NCOR1: variants seen among roughly 807,000 people sequenced by gnomAD.
NCOR1 encodes the protein nuclear receptor corepressor 1.
NCOR1 carries 63 observed loss-of-function variants against 288.1 expected under a neutral mutation model. The observed-to-expected ratio is 0.22, with a 90% CI of 0.18 to 0.27. NCOR1 has a LOEUF of 0.27. Among genes scored for constraint, NCOR1 ranks in the 10% least tolerant of loss-of-function variants. The probability of loss-of-function intolerance (pLI) is 1.00; values close to 1 mark genes in which losing one functional copy is unlikely to be tolerated. For missense variants in NCOR1, 2,397 were observed against 3,019.2 expected, an observed-to-expected ratio of 0.79 and a Z score of 4.83; for synonymous variants, 1,007 against 1,065.9, an observed-to-expected ratio of 0.94 and a Z score of 1.08.
chr17:16,183,087 G>C (rs994538493), intron 3 of NCOR1, among the ~76,000 whole-genome samples: 1 of 151,366 alleles, frequency 6.6e-6, no homozygotes. Context: ...ATAATCAATA[G>C]GGAAATACTG....
chr17:16,083,423 T>A (rs939098624), intron 23 of NCOR1, among the ~76,000 whole-genome samples: 1 of 151,350 alleles, frequency 6.6e-6, no homozygotes, highest in Non-Finnish European at 1.5e-5. Context: ...ACAAAACACA[T>A]ACAAATCTCT....
At chr17:16,180,940 C>G (rs569909750) in intron 3 of NCOR1, among the ~76,000 whole-genome samples, 1 of 152,150 alleles carries the variant, frequency 6.6e-6, no homozygotes, top group Admixed American at 6.5e-5. Context: ...GGGCGGATTA[C>G]TTGAGGTCTG....
intron 5 of NCOR1, among the ~76,000 whole-genome samples, chr17:16,163,563 G>C (rs2081334939): frequency 6.6e-6 from 1 of 152,118 alleles, no homozygotes; most frequent in Admixed American, 6.5e-5. Context: ...TATACTGCTG[G>C]TAAGAATATA....
At position 16,120,824 on chromosome 17, in the gene NCOR1, T is replaced by C. The variant is rs2072850971; in HGVS notation, c.1852+228A>G. Among the ~76,000 whole-genome samples, 12 of 152,278 alleles carry C rather than the reference T, an allele frequency of 7.9e-5. 1 individual carries two copies. In the South Asian group the frequency reaches 2.3e-3, roughly 29 times the overall value. On this transcript the variant is annotated intron_variant, in intron 16 of 45. Transcript: ENST00000268712. ...ATTATTAGAAATTAGAAAATATTTATGGCACACTAGCATAACAACTAAATA... is the reference window on the plus strand; with the variant it reads ...ATTATTAGAAATTAGAAAATATTTACGGCACACTAGCATAACAACTAAATA...
intron 1 of NCOR1, among the ~76,000 whole-genome samples, chr17:16,201,325 A>AC (rs1412976698): frequency 2.0e-5 from 3 of 152,306 alleles, no homozygotes; most frequent in African/African-American, 7.2e-5. Flanking sequence ...CTGGCCAGGC[A>AC]CAGTGGCTCA....
intron 2 of NCOR1, among the ~76,000 whole-genome samples, chr17:16,188,586 A>G (rs1333688817): frequency 6.6e-6 from 1 of 152,024 alleles, no homozygotes; most frequent in Non-Finnish European, 1.5e-5. Context: ...ACTCTAGTCC[A>G]AGCAAAAGTG....
chr17:16,209,689 C>T (rs1437310155), intron 1 of NCOR1, among the ~76,000 whole-genome samples: 11 of 149,790 alleles, frequency 7.3e-5, no homozygotes, highest in Admixed American at 4.0e-4. Flanking sequence ...CGATGGCTCA[C>T]GCCTGTAATC....
chr17:16,208,035 C>CTTTTTTTTTTTT lies in NCOR1; in HGVS notation c.-71+7315_-71+7326dup, dbSNP rs71150278. ...TCAACCAACCGTTCCATATTTCTTT[C>CTTTTTTTTTTTT]TTTTTTTTTTTTTTTTTTTTTTTTG... On this transcript the variant is annotated intron_variant, in intron 1 of 45. Transcript: ENST00000268712. Among the ~76,000 whole-genome samples, 124 of 72,554 alleles carry CTTTTTTTTTTTT rather than the reference C, an allele frequency of 1.7e-3. 4 individuals are homozygous for CTTTTTTTTTTTT. The highest frequency in any genetic ancestry group is 2.1e-3 in the Non-Finnish European group (85 of 40,688). 47.6% of individuals were successfully genotyped at this position (72,554 alleles called of 152,430 possible).
intron 14 of NCOR1, among the ~76,000 whole-genome samples, chr17:16,131,892 T>C (rs1192600748): frequency 6.6e-6 from 1 of 152,206 alleles, no homozygotes; most frequent in African/African-American, 2.4e-5. Context: ...TTATTAACCA[T>C]GCAACCTAAG....
intron 1 of NCOR1, among the ~76,000 whole-genome samples, chr17:16,212,980 G>A (rs1427947826): frequency 6.7e-6 from 1 of 148,654 alleles, no homozygotes; most frequent in Admixed American, 6.8e-5. Flanking sequence ...GGCTGAGGTG[G>A]AAGGATCACC....
chr17:16,058,778 G>A (rs2060217186), intron 37 of NCOR1, among the ~76,000 whole-genome samples, 179 bp from the exon 38 acceptor site: 1 of 151,974 alleles, frequency 6.6e-6, no homozygotes, highest in African/African-American at 2.4e-5. Flanking sequence ...TGGGTGCAGT[G>A]GCTCATGGCT....
intron 3 of NCOR1, among the ~76,000 whole-genome samples, chr17:16,183,262 A>G (rs2085914461): frequency 6.7e-6 from 1 of 149,986 alleles, no homozygotes; most frequent in African/African-American, 2.5e-5. Flanking sequence ...AAAAAAAAGA[A>G]AAGAAATAAA....
intron 18 of NCOR1, among the ~76,000 whole-genome samples, chr17:16,117,290 T>C (rs1303206647): frequency 6.6e-6 from 1 of 152,114 alleles, no homozygotes; most frequent in Non-Finnish European, 1.5e-5. Context: ...TTAATTCCCT[T>C]TACTACAAAT....
chr17:16,086,001 T>C (rs1384159599), intron 23 of NCOR1, among the ~76,000 whole-genome samples: 1 of 152,240 alleles, frequency 6.6e-6, no homozygotes, highest in African/African-American at 2.4e-5. Context: ...TTGGTAAGTT[T>C]AGAGTGATGT....
intron 44 of NCOR1, among the ~76,000 whole-genome samples, chr17:16,035,945 G>T (rs2056266019): frequency 6.6e-6 from 1 of 152,138 alleles, no homozygotes; most frequent in Non-Finnish European, 1.5e-5. Context: ...CCAAACTCCT[G>T]TTAATGTTGA....
At chr17:16,127,221 A>T (rs1486159920) in intron 14 of NCOR1, among the ~76,000 whole-genome samples, 2 of 146,166 alleles carry the variant, frequency 1.4e-5, no homozygotes, top group Non-Finnish European at 3.0e-5. Flanking sequence ...ATCTGTATGT[A>T]TATATACATG....
rs2152998144 is a variant in NCOR1 at position 16,101,645 on chromosome 17, G to A, written c.2295C>T (p.Pro765=). The A allele has an allele frequency of 6.2e-7, 1 of 1,614,212 alleles. No individual in the cohort carries two copies. Among genetic ancestry groups the A allele is most frequent in the Non-Finnish European group, 8.5e-7 (1 of 1,180,042 alleles). The change falls in exon 20 of 46, where the codon CCC becomes CCT. Residue 765 remains proline (P), a synonymous_variant. Transcript: ENST00000268712. ...GTTTTGTACTTGGAACTGCTAAGGA[G>A]GGAGATGTACTGGGTGCAGTTTCCG... ...PTTETAPSTS[P]SLAVPSTKPA... is the part of the protein sequence containing the mutation.
At chr17:16,080,550 A>C in intron 24 of NCOR1, 41 bp from the exon 25 acceptor site, 2 of 1,614,038 alleles carry the variant, frequency 1.2e-6, no homozygotes, top group Non-Finnish European at 1.7e-6. Flanking sequence ...CCAGTACTAA[A>C]TTACTGGCTG....
intron 1 of NCOR1, among the ~76,000 whole-genome samples, chr17:16,197,121 G>A (rs1427667606): frequency 6.6e-6 from 1 of 151,926 alleles, no homozygotes; most frequent in Non-Finnish European, 1.5e-5. Context: ...GGAGTTCAAG[G>A]ACAGCCTGGC....
Sources: allele counts gnomAD v4.1 joint callset (sites outside exome capture counted in the v4.1 genomes callset), GRCh38; gene constraint gnomAD v4.1.1; transcripts MANE v1.5; gene names NCBI Gene and HGNC (gene_info 2026-07-23, HGNC 2026-07-21).